The following TMEM26 variants were observed in gnomAD, a reference collection of about 807,000 sequenced individuals.
TMEM26 encodes the protein transmembrane protein 26.
TMEM26 carries 38 observed loss-of-function variants against 28.8 expected under a neutral mutation model. That is an observed-to-expected ratio of 1.32 (90% CI 1.02 to 1.73). The LOEUF is 1.73. Ranked by LOEUF, TMEM26 falls within the 40% of genes most tolerant of loss-of-function variation. TMEM26 has a pLI of 0.00. For synonymous variants in TMEM26, 227 were observed against 182.9 expected, an observed-to-expected ratio of 1.24 and a Z score of -1.95; for missense variants, 518 against 447.1, an observed-to-expected ratio of 1.16 and a Z score of -1.43.
At position 61,410,307 on chromosome 10, in the gene TMEM26, A is replaced by C; in HGVS notation, c.*15T>G. 6.3e-7 allele frequency: 1 copy of C among 1,593,854 alleles called. No homozygotes were observed. Among genetic ancestry groups the C allele is most frequent in the Non-Finnish European group, 8.6e-7 (1 of 1,167,474 alleles). ...GGGAGTCAGGTTCTAGCCGCAGACC[A>C]CTGTCAATCAATAACTAAGGGGTGT... On this transcript the variant is annotated 3_prime_UTR_variant, in exon 6 of 6. Coordinates refer to ENST00000399298, the MANE Select transcript of TMEM26 (RefSeq NM_178505.8).
rs1056855308 is a variant in TMEM26 at position 61,445,535 on chromosome 10, TATAGGTA to T, written c.191+7349_191+7355del. Among the ~76,000 whole-genome samples, 8 of 152,196 alleles carry T rather than the reference TATAGGTA, an allele frequency of 5.3e-5. 1 individual carries two copies. Among genetic ancestry groups the T allele is most frequent in the East Asian group, 1.9e-4 (1 of 5,186 alleles). ...AATATAACCCATCTCCTTAAATAAC[TATAGGTA>T]ATAGGTTTATATTCAGAGAAAAGTA... is the stretch of plus-strand genomic sequence containing the variant. On this transcript the variant is annotated intron_variant, in intron 1 of 5. Coordinates refer to ENST00000399298, the MANE Select transcript of TMEM26 (RefSeq NM_178505.8).
At chr10:61,415,813 G>A (rs1203164629) in intron 4 of TMEM26, among the ~76,000 whole-genome samples, 2 of 152,048 alleles carry the variant, frequency 1.3e-5, no homozygotes, top group Non-Finnish European at 2.9e-5. Flanking sequence ...TTGTACCAAA[G>A]GGGGAGAACT....
intron 4 of TMEM26, among the ~76,000 whole-genome samples, chr10:61,416,437 C>A (rs938108396): frequency 6.6e-6 from 1 of 151,846 alleles, no homozygotes; most frequent in Non-Finnish European, 1.5e-5. Context: ...TTTAGTTTAC[C>A]CATTTACATT....
At chr10:61,416,059 A>G (rs192992547) in intron 4 of TMEM26, 253 of 450,458 alleles carry the variant, frequency 5.6e-4, no homozygotes, top group African/African-American at 4.8e-3. Context: ...ATATTACCTC[A>G]AAATAGAACA....
At chr10:61,431,454 T>G in intron 2 of TMEM26, 122 bp from the exon 3 acceptor site, 1 of 614,680 alleles carries the variant, frequency 1.6e-6, no homozygotes, top group Non-Finnish European at 2.8e-6. Context: ...ACAGCATATA[T>G]ATAAACATTT....
Position 61,410,088 on chromosome 10 carries a change from G to T in TMEM26, c.*234C>A, listed in dbSNP as rs547986641. ...TTCAAGACAAACAAATCACTTAGTC[G>T]TTGAACAACTATAACATCTGATACC... On this transcript the variant is annotated 3_prime_UTR_variant, in exon 6 of 6. Coordinates refer to ENST00000399298, the MANE Select transcript of TMEM26 (RefSeq NM_178505.8). 7 of 544,248 alleles carry T rather than the reference G, an allele frequency of 1.3e-5. No homozygotes were observed. The highest frequency in any genetic ancestry group is 2.3e-5 in the Non-Finnish European group (7 of 307,556). 33.7% of individuals were successfully genotyped at this position (544,248 alleles called of 1,614,324 possible). A position where few individuals can be genotyped will look rare whatever the true frequency, so the allele number is the denominator to read the frequency against.
chr10:61,452,250 A>G (rs1425760189), intron 1 of TMEM26, among the ~76,000 whole-genome samples: 1 of 152,242 alleles, frequency 6.6e-6, no homozygotes. Flanking sequence ...TCCCTTCACC[A>G]GCGTTACAAC....
Position 61,420,055 on chromosome 10 carries a change from CAA to C in TMEM26, c.606-6522_606-6521del, listed in dbSNP as rs908391753. ...AATCTGTGTATAATTTTGACTTTTCCAAAACTTAACTACTAATAGTGTACTGC... is the reference window on the plus strand; with the variant it reads ...AATCTGTGTATAATTTTGACTTTTCCAACTTAACTACTAATAGTGTACTGC... On this transcript the variant is annotated intron_variant, in intron 4 of 5. Coordinates refer to ENST00000399298, the MANE Select transcript of TMEM26 (RefSeq NM_178505.8). Among the ~76,000 whole-genome samples, 43 of 152,046 alleles carry C rather than the reference CAA, an allele frequency of 2.8e-4. 1 individual carries two copies. The highest frequency in any genetic ancestry group is 4.4e-5 in the Non-Finnish European group (3 of 67,998).
At chr10:61,418,771 A>T (rs886220856) in intron 4 of TMEM26, among the ~76,000 whole-genome samples, 1 of 151,966 alleles carries the variant, frequency 6.6e-6, no homozygotes, top group Non-Finnish European at 1.5e-5. Flanking sequence ...TTTAATAGAG[A>T]GATTCTTAAA....
At chr10:61,445,520 A>G (rs1028055752) in intron 1 of TMEM26, among the ~76,000 whole-genome samples, 3 of 152,192 alleles carry the variant, frequency 2.0e-5, no homozygotes, top group South Asian at 4.1e-4. Context: ...AATATAACCC[A>G]TCTCCTTAAA....
At chr10:61,418,751 T>G (rs142996528) in intron 4 of TMEM26, among the ~76,000 whole-genome samples, 1 of 152,070 alleles carries the variant, frequency 6.6e-6, no homozygotes, top group Admixed American at 6.6e-5. Context: ...GGTAATGAAC[T>G]AACTTTAAAT....
At position 61,410,442 on chromosome 10, in the gene TMEM26, C is replaced by G; in HGVS notation, c.987G>C (p.Arg329=). The change falls in exon 6 of 6, where the codon CGG becomes CGC. Residue 329 remains arginine (R), a synonymous_variant. Transcript: ENST00000399298. ...AGGGCCCACTCTCAGAGGTCTGTGC[C>G]CGGCAACCATGTTCTCCTTTCAGGC... is the stretch of plus-strand genomic sequence containing the variant. The part of the protein sequence containing the change: ...SEGLKGEHGC[R]AQTSESGPSQ... The G allele has an allele frequency of 6.2e-7, 1 of 1,614,072 alleles. No homozygotes were observed. Among genetic ancestry groups the G allele is most frequent in the Non-Finnish European group, 8.5e-7 (1 of 1,180,004 alleles).
chr10:61,430,571 C>CA (rs34623859), intron 3 of TMEM26, among the ~76,000 whole-genome samples: 1,601 of 96,280 alleles, frequency 0.017, 25 homozygotes, highest in East Asian at 0.11. Context: ...AAAGAACTGA[C>CA]AAAAAAAAAA....
At chr10:61,428,902 G>A in intron 4 of TMEM26, 24 bp downstream of exon 4, 1 of 1,606,970 alleles carries the variant, frequency 6.2e-7, no homozygotes, top group East Asian at 2.2e-5. Context: ...AAAACAAGGT[G>A]TTTTTGCTGC....
rs1490038131 is a variant in TMEM26, at chr10:61,407,981, A to G, written c.*2341T>C. ...TTTAGCAGTCTACGCTATGAACTGA[A>G]CAAATTTGTAATATTTAATCAGGAG... On this transcript the variant is annotated 3_prime_UTR_variant, in exon 6 of 6. Transcript: ENST00000399298. The G allele has an allele frequency of 1.3e-5, 2 of 152,238 alleles. No individual in the cohort carries two copies. The highest frequency in any genetic ancestry group is 2.9e-5 in the Non-Finnish European group (2 of 68,036). The allele number at this position is 152,238 out of a possible 1,614,324, so 9.4% of individuals were successfully genotyped here.
At chr10:61,430,293 A>G (rs1290049052) in intron 3 of TMEM26, among the ~76,000 whole-genome samples, 1 of 152,036 alleles carries the variant, frequency 6.6e-6, no homozygotes, top group African/African-American at 2.4e-5. Flanking sequence ...TATTATTGAA[A>G]ATATGTTTTG....
intron 4 of TMEM26, chr10:61,416,100 T>A (rs1284411324): frequency 2.2e-6 from 1 of 451,052 alleles, no homozygotes; most frequent in East Asian, 7.0e-5. Flanking sequence ...ATGTCTTCTA[T>A]TAGTGGAATT....
At chr10:61,411,669 T>G (rs1024825336) in intron 5 of TMEM26, among the ~76,000 whole-genome samples, 3 of 152,268 alleles carry the variant, frequency 2.0e-5, no homozygotes, top group African/African-American at 7.2e-5. Flanking sequence ...ATATAATTAC[T>G]GATTTTCCAG....
chr10:61,432,370 T>C (rs1407538758), intron 2 of TMEM26, among the ~76,000 whole-genome samples: 1 of 152,162 alleles, frequency 6.6e-6, no homozygotes, highest in African/African-American at 2.4e-5. Flanking sequence ...TCATTTTGTA[T>C]GAGAATTTCT....
Sources: gnomAD v4.1 joint callset for allele counts (sites outside exome capture counted in the v4.1 genomes callset) on GRCh38, gnomAD v4.1.1 for gene constraint, MANE v1.5 for transcripts, NCBI Gene and HGNC (gene_info 2026-07-23, HGNC 2026-07-21) for gene names.